The following NKAIN3 variants were observed in gnomAD, a reference collection of about 807,000 sequenced individuals.
The protein encoded by NKAIN3 is sodium/potassium transporting ATPase interacting 3.
A neutral mutation model predicts 30.2 loss-of-function variants in NKAIN3; 25 were observed. That is an observed-to-expected ratio of 0.83 (90% CI 0.60 to 1.16). The LOEUF is 1.16. Ranked by LOEUF, NKAIN3 falls within the 50% of genes most tolerant of loss-of-function variation. The pLI is 0.00. For synonymous variants in NKAIN3, 91 were observed against 89.6 expected (o/e 1.02, Z -0.09); for missense variants, 225 against 254.1 (o/e 0.89, Z 0.78).
intron 1 of NKAIN3, among the ~76,000 whole-genome samples, chr8:62,344,472 A>G (rs931903082): frequency 1.3e-5 from 2 of 152,100 alleles, no homozygotes; most frequent in African/African-American, 4.8e-5. Flanking sequence ...TGTGAACACT[A>G]GATTACCCTT....
At chr8:62,565,078 TA>T in intron 1 of NKAIN3, among the ~76,000 whole-genome samples, 1 of 152,282 alleles carries the variant, frequency 6.6e-6, no homozygotes, top group African/African-American at 2.4e-5. Flanking sequence ...TGTTATTAAC[TA>T]AAATCCCATT....
rs1007601436 is a variant in NKAIN3, at chr8:62,829,188, T to C, written c.471+82059T>C. On this transcript the variant is annotated intron_variant, in intron 4 of 6. Transcript: ENST00000623646. Reference sequence around the variant, plus strand: ...TCAGAGTCATGAGTTATTGCCTTAATGCAGAGGTTTTTTAGTGTGTCAACC... The same window carrying C: ...TCAGAGTCATGAGTTATTGCCTTAACGCAGAGGTTTTTTAGTGTGTCAACC... 7.0e-4 allele frequency among the ~76,000 whole-genome samples: 107 copies of C among 152,354 alleles called. 1 individual carries two copies. The highest frequency in any genetic ancestry group is 2.5e-3 in the African/African-American group (105 of 41,582).
chr8:62,611,928 T>G (rs750794758), intron 3 of NKAIN3, among the ~76,000 whole-genome samples: 1 of 152,144 alleles, frequency 6.6e-6, no homozygotes, highest in Non-Finnish European at 1.5e-5. Context: ...GTTTCCCTTT[T>G]CTTCACATCC....
At chr8:62,930,498 C>T (rs537281063) in intron 5 of NKAIN3, among the ~76,000 whole-genome samples, 2 of 152,238 alleles carry the variant, frequency 1.3e-5, no homozygotes, top group African/African-American at 2.4e-5. Flanking sequence ...AGGTGATCCA[C>T]CCGCCTCGGC....
intron 1 of NKAIN3, among the ~76,000 whole-genome samples, chr8:62,496,071 C>T (rs759135516): frequency 9.9e-5 from 15 of 152,056 alleles, no homozygotes; most frequent in Non-Finnish European, 1.8e-4. Context: ...TGGTTAGATA[C>T]TTTTATTAAG....
chr8:62,951,551 T>A (rs1823284826), intron 5 of NKAIN3, among the ~76,000 whole-genome samples: 1 of 151,856 alleles, frequency 6.6e-6, no homozygotes, highest in Admixed American at 6.6e-5. Flanking sequence ...CTCTGCCCTG[T>A]GGGCTCAAAC....
intron 1 of NKAIN3, among the ~76,000 whole-genome samples, chr8:62,442,393 A>G (rs1318690157): frequency 6.6e-6 from 1 of 152,022 alleles, no homozygotes; most frequent in Non-Finnish European, 1.5e-5. Flanking sequence ...TGCACAAAAC[A>G]GTAGTTTATT....
chr8:62,756,870 G>T (rs111329965), intron 4 of NKAIN3, among the ~76,000 whole-genome samples: 2,542 of 152,232 alleles, frequency 0.017, 69 homozygotes, highest in African/African-American at 0.059. Flanking sequence ...ACAGAATTCA[G>T]TCTCTTGAGC....
chr8:62,947,698 G>A (rs1371949254), intron 5 of NKAIN3, among the ~76,000 whole-genome samples: 1 of 152,150 alleles, frequency 6.6e-6, no homozygotes, highest in African/African-American at 2.4e-5. Context: ...ATATTTGGTT[G>A]CTAGCCCTTG....
chr8:62,953,202 G>T (rs1823332491), intron 5 of NKAIN3, among the ~76,000 whole-genome samples: 3 of 152,130 alleles, frequency 2.0e-5, no homozygotes. Flanking sequence ...GTTAATGTTA[G>T]AGTGCTATAA....
chr8:62,985,774 C>G (rs533833254), downstream of NKAIN3, among the ~76,000 whole-genome samples: 13 of 151,676 alleles, frequency 8.6e-5, no homozygotes, highest in East Asian at 9.7e-4. Flanking sequence ...AAGGGAGGAG[C>G]CTGTTAACTT....
chr8:62,719,710 T>TAACATTTCC (rs1261746286), intron 3 of NKAIN3, among the ~76,000 whole-genome samples: 1 of 151,972 alleles, frequency 6.6e-6, no homozygotes, highest in Non-Finnish European at 1.5e-5. Flanking sequence ...ATAAGTTGGT[T>TAACATTTCC]AACATTTCCT....
chr8:62,971,780 T>C lies in NKAIN3; in HGVS notation c.*6373T>C, dbSNP rs190316671. Among the ~76,000 whole-genome samples, 14 of 152,338 alleles carry C rather than the reference T, an allele frequency of 9.2e-5. No homozygotes were observed. The East Asian group carries it at 2.7e-3, about 29-fold the overall frequency. ...ATTTGTAGTACTTTATAACACATTC[T>C]AGAAAAAATGTACATATATTCTTCA... On this transcript the variant is annotated 3_prime_UTR_variant, in exon 7 of 7. Coordinates refer to ENST00000623646, the MANE Select transcript of NKAIN3 (RefSeq NM_001304533.3).
chr8:62,348,028 T>A (rs1260071230), intron 1 of NKAIN3, among the ~76,000 whole-genome samples: 3 of 152,104 alleles, frequency 2.0e-5, no homozygotes, highest in Non-Finnish European at 4.4e-5. Context: ...TTTTTATTGT[T>A]TTTTTATTGT....
intron 4 of NKAIN3, among the ~76,000 whole-genome samples, chr8:62,811,632 G>C (rs956259612): frequency 1.6e-5 from 1 of 61,032 alleles, no homozygotes; most frequent in African/African-American, 5.0e-5. Context: ...TAACAATGGA[G>C]AATATGTTTT....
intron 3 of NKAIN3, among the ~76,000 whole-genome samples, chr8:62,691,121 G>A (rs1813953443): frequency 6.6e-6 from 1 of 152,146 alleles, no homozygotes; most frequent in Non-Finnish European, 1.5e-5. Flanking sequence ...TTTCAAGTAC[G>A]TAGTTCAGTG....
At chr8:62,769,075 A>T (rs1816938407) in intron 4 of NKAIN3, among the ~76,000 whole-genome samples, 1 of 152,150 alleles carries the variant, frequency 6.6e-6, no homozygotes, top group Non-Finnish European at 1.5e-5. Context: ...TCTGTCCAAA[A>T]CCATTTTTTC....
At chr8:62,577,761 A>G (rs1810162798) in intron 1 of NKAIN3, among the ~76,000 whole-genome samples, 1 of 151,718 alleles carries the variant, frequency 6.6e-6, no homozygotes, top group African/African-American at 2.4e-5. Context: ...CGTTTTAGCC[A>G]TGTCTGAACA....
At chr8:62,825,850 T>C (rs1819004362) in intron 4 of NKAIN3, among the ~76,000 whole-genome samples, 1 of 152,184 alleles carries the variant, frequency 6.6e-6, no homozygotes, top group South Asian at 2.1e-4. Flanking sequence ...CTCTGGCTTA[T>C]GGCCCCTGAC....
Sources: gnomAD v4.1 joint callset for allele counts (sites outside exome capture counted in the v4.1 genomes callset) on GRCh38, gnomAD v4.1.1 for gene constraint, MANE v1.5 for transcripts, NCBI Gene and HGNC (gene_info 2026-07-23, HGNC 2026-07-21) for gene names.